The following DNAJC3 variants were observed in gnomAD, a reference collection of about 807,000 sequenced individuals.
DNAJC3 encodes dnaJ homolog subfamily C member 3.
DNAJC3 carries 38 observed loss-of-function variants against 68.6 expected under a neutral mutation model. That is an observed-to-expected ratio of 0.55 (90% CI 0.43 to 0.73). The LOEUF is 0.73. Among genes scored for constraint, DNAJC3 ranks in the 30% least tolerant of loss-of-function variants. The pLI is 0.00. For synonymous variants in DNAJC3, 203 were observed against 204.0 expected, an observed-to-expected ratio of 1.00 and a Z score of 0.04; for missense variants, 526 against 591.9, an observed-to-expected ratio of 0.89 and a Z score of 1.16.
rs867959661 is a variant in DNAJC3 at position 95,787,285 on chromosome 13, A to G, written c.1357+130A>G. On this transcript the variant is annotated intron_variant, in intron 11 of 11. Coordinates refer to ENST00000602402, the MANE Select transcript of DNAJC3 (RefSeq NM_006260.5). ...GTCCTGAGCCCAGTTCCAGAGGTCCAGTTTTATGCCTGCCCTCATTCAGCC... is the reference window on the plus strand; with the variant it reads ...GTCCTGAGCCCAGTTCCAGAGGTCCGGTTTTATGCCTGCCCTCATTCAGCC... The G allele has an allele frequency of 2.6e-6, 3 of 1,139,878 alleles. No individual in the cohort carries two copies. In the Middle Eastern group the frequency reaches 6.6e-4, roughly 252 times the overall value. The allele number at this position is 1,139,878 out of a possible 1,614,324, so 70.6% of individuals were successfully genotyped here.
At chr13:95,730,501 G>A (rs1881676956) in intron 4 of DNAJC3, among the ~76,000 whole-genome samples, 1 of 152,092 alleles carries the variant, frequency 6.6e-6, no homozygotes, top group Non-Finnish European at 1.5e-5. Context: ...GAGAGACAGG[G>A]ATCCAGTTTC....
At chr13:95,697,540 T>C (rs550873824) in intron 1 of DNAJC3, among the ~76,000 whole-genome samples, 1 of 152,350 alleles carries the variant, frequency 6.6e-6, no homozygotes, top group African/African-American at 2.4e-5. Flanking sequence ...GAATTTCTAA[T>C]ATCTGGATGT....
At chr13:95,775,793 T>C (rs1183847062) in intron 9 of DNAJC3, among the ~76,000 whole-genome samples, 3 of 151,956 alleles carry the variant, frequency 2.0e-5, no homozygotes, top group Non-Finnish European at 4.4e-5. Flanking sequence ...ATACATGGAG[T>C]CTCTTGTTCA....
chr13:95,773,571 C>T (rs972822440), intron 9 of DNAJC3, among the ~76,000 whole-genome samples: 5 of 151,966 alleles, frequency 3.3e-5, no homozygotes, highest in Admixed American at 6.6e-5. Context: ...TATTTCTTGA[C>T]ATTGCTGAAT....
At chr13:95,723,843 G>A (rs886630963) in intron 3 of DNAJC3, among the ~76,000 whole-genome samples, 6 of 151,920 alleles carry the variant, frequency 3.9e-5, no homozygotes, top group Non-Finnish European at 8.8e-5. Context: ...AGCTTCAGAG[G>A]TGGAGAAACT....
chr13:95,742,799 A>G (rs1366517423), intron 4 of DNAJC3: 1 of 518,874 alleles, frequency 1.9e-6, no homozygotes, highest in Non-Finnish European at 3.8e-6. Context: ...CAATTTGTTG[A>G]TTTCCTTTTT....
At chr13:95,687,835 G>A (rs535423342) in intron 1 of DNAJC3, among the ~76,000 whole-genome samples, 1 of 152,254 alleles carries the variant, frequency 6.6e-6, no homozygotes, top group East Asian at 1.9e-4. Flanking sequence ...AATTTGGTAG[G>A]AATAGTGTTG....
At chr13:95,755,436 G>A (rs1471893783) in intron 4 of DNAJC3, among the ~76,000 whole-genome samples, 1 of 151,926 alleles carries the variant, frequency 6.6e-6, no homozygotes, top group African/African-American at 2.4e-5. Flanking sequence ...GGGAGACAGA[G>A]CAAGACCCTG....
At chr13:95,757,558 A>G (rs1882698954) in intron 4 of DNAJC3, 86 bp from the exon 5 acceptor site, 1 of 1,302,672 alleles carries the variant, frequency 7.7e-7, no homozygotes, top group Non-Finnish European at 1.0e-6. Flanking sequence ...GAACTTAAGT[A>G]TTTGGAATGG....
intron 2 of DNAJC3, among the ~76,000 whole-genome samples, chr13:95,717,609 ATGT>A (rs747137633): frequency 1.3e-5 from 2 of 152,092 alleles, no homozygotes; most frequent in Non-Finnish European, 2.9e-5. Flanking sequence ...TAATTCCCAC[ATGT>A]TGTTGGAGGG....
chr13:95,774,202 A>G (rs1176784460), intron 9 of DNAJC3, among the ~76,000 whole-genome samples: 3 of 152,196 alleles, frequency 2.0e-5, no homozygotes, highest in Admixed American at 6.5e-5. Context: ...CTTTTTAAAT[A>G]TAAGCATTTA....
chr13:95,733,009 AT>A (rs1313204073), intron 4 of DNAJC3, among the ~76,000 whole-genome samples: 3 of 151,960 alleles, frequency 2.0e-5, no homozygotes, highest in Non-Finnish European at 4.4e-5. Flanking sequence ...TACTTACATG[AT>A]TTTGATATTT....
intron 11 of DNAJC3, among the ~76,000 whole-genome samples, chr13:95,788,226 G>A (rs919049947): frequency 6.6e-6 from 1 of 152,222 alleles, no homozygotes; most frequent in Admixed American, 6.5e-5. Flanking sequence ...ATACTGTCCT[G>A]TTACTTAGCA....
intron 4 of DNAJC3, among the ~76,000 whole-genome samples, chr13:95,725,841 C>T (rs1237302783): frequency 3.6e-5 from 4 of 112,558 alleles, no homozygotes; most frequent in African/African-American, 1.4e-4. Flanking sequence ...CACCCCACAA[C>T]AGTCCCCGGA....
intron 2 of DNAJC3, among the ~76,000 whole-genome samples, chr13:95,713,488 A>C (rs1486008379): frequency 6.6e-6 from 1 of 152,258 alleles, no homozygotes; most frequent in Admixed American, 6.5e-5. Context: ...AACTTAAGAA[A>C]GACTTAAATG....
intron 2 of DNAJC3, among the ~76,000 whole-genome samples, chr13:95,721,641 T>TG (rs1337429172): frequency 4.2e-4 from 58 of 137,522 alleles, no homozygotes; most frequent in African/African-American, 9.0e-4. Flanking sequence ...AATGTGTGTG[T>TG]TTTTTTTTTT....
In DNAJC3 at chr13:95,791,405, G is replaced by A. The variant is rs1883770340; in HGVS notation, c.*375G>A. 4.3e-6 allele frequency: 1 copy of A among 232,842 alleles called. No individual in the cohort carries two copies. Among genetic ancestry groups the A allele is most frequent in the African/African-American group, 2.4e-5 (1 of 42,256 alleles). 14.4% of individuals were successfully genotyped at this position (232,842 alleles called of 1,614,324 possible). A position where few individuals can be genotyped will look rare whatever the true frequency, so the allele number is the denominator to read the frequency against. ...AGTCAGTGCCTACAAGTGTAAGAAG[G>A]AGCTGTAATCTTCATGAGGATGGTT... is the stretch of plus-strand genomic sequence containing the variant. On this transcript the variant is annotated 3_prime_UTR_variant, in exon 12 of 12. Coordinates refer to ENST00000602402, the MANE Select transcript of DNAJC3 (RefSeq NM_006260.5).
At chr13:95,685,892 A>T (rs1387847907) in intron 1 of DNAJC3, among the ~76,000 whole-genome samples, 1 of 151,700 alleles carries the variant, frequency 6.6e-6, no homozygotes, top group East Asian at 1.9e-4. Flanking sequence ...ATGATTAGTG[A>T]TGAACATTTT....
At chr13:95,790,792 CTCCTCTG>C in intron 11 of DNAJC3, 74 bp from the exon 12 acceptor site, 14 of 1,416,358 alleles carry the variant, frequency 9.9e-6, no homozygotes, top group South Asian at 1.3e-5. Context: ...CCCACCCACC[CTCCTCTG>C]CCCAAAGAAA....
Sources: gnomAD v4.1 joint callset for allele counts (sites outside exome capture counted in the v4.1 genomes callset) on GRCh38, gnomAD v4.1.1 for gene constraint, MANE v1.5 for transcripts, NCBI Gene and HGNC (gene_info 2026-07-23, HGNC 2026-07-21) for gene names.